LOC128462377: variants seen among roughly 807,000 people sequenced by gnomAD.
chr16:89,379,434 C>G, the LOC128462377 span, among the ~76,000 whole-genome samples: 1 of 152,240 alleles, frequency 6.6e-6, no homozygotes, highest in Non-Finnish European at 1.5e-5. Flanking sequence ...CTGCTCCACA[C>G]CCTGTCAGGG....
chr16:89,320,599 G>A, the LOC128462377 span, among the ~76,000 whole-genome samples: 1 of 152,166 alleles, frequency 6.6e-6, no homozygotes, highest in Non-Finnish European at 1.5e-5. Context: ...TGGACTGTCA[G>A]GGTCACCGAG....
chr16:89,401,352 C>T, the LOC128462377 span, among the ~76,000 whole-genome samples: 17 of 152,244 alleles, frequency 1.1e-4, no homozygotes, highest in Non-Finnish European at 2.5e-4. Context: ...GCTGGGATTA[C>T]AGCACGAGCC....
chr16:89,343,090 G>A, the LOC128462377 span, among the ~76,000 whole-genome samples: 3 of 152,100 alleles, frequency 2.0e-5, no homozygotes, highest in South Asian at 2.1e-4. Flanking sequence ...GTGCGATCTC[G>A]GCTCACTGCA....
At chr16:89,338,790 A>T in the LOC128462377 span, among the ~76,000 whole-genome samples, 1 of 151,924 alleles carries the variant, frequency 6.6e-6, no homozygotes, top group East Asian at 1.9e-4. Flanking sequence ...AGAAAAAATA[A>T]TCTCTGCTCT....
the LOC128462377 span, among the ~76,000 whole-genome samples, chr16:89,405,853 A>G: frequency 6.6e-6 from 1 of 152,146 alleles, no homozygotes; most frequent in Non-Finnish European, 1.5e-5. Context: ...TCCAGCAAGA[A>G]TAATCCCAGC....
chr16:89,411,829 A>C, the LOC128462377 span, among the ~76,000 whole-genome samples: 5 of 152,362 alleles, frequency 3.3e-5, no homozygotes, highest in Middle Eastern at 0.017. Flanking sequence ...TAGAATTCTC[A>C]GCAGAACTTG....
At chr16:89,350,613 C>T in the LOC128462377 span, among the ~76,000 whole-genome samples, 1 of 152,168 alleles carries the variant, frequency 6.6e-6, no homozygotes, top group Non-Finnish European at 1.5e-5. Context: ...TGACCGAAAG[C>T]ACATCAGCAT....
At chr16:89,340,157 A>T in the LOC128462377 span, among the ~76,000 whole-genome samples, 2 of 152,254 alleles carry the variant, frequency 1.3e-5, no homozygotes, top group Admixed American at 6.5e-5. Context: ...TAGAAATGGA[A>T]TTTCTAGCAA....
the LOC128462377 span, among the ~76,000 whole-genome samples, chr16:89,378,473 A>C: frequency 6.6e-6 from 1 of 152,184 alleles, no homozygotes; most frequent in Non-Finnish European, 1.5e-5. Context: ...TTGAAGCCTA[A>C]CCACAAAAAC....
At chr16:89,373,880 C>T in the LOC128462377 span, among the ~76,000 whole-genome samples, 1 of 152,344 alleles carries the variant, frequency 6.6e-6, no homozygotes, top group East Asian at 1.9e-4. Flanking sequence ...GCACTTGACA[C>T]AGAGGTGGGG....
the LOC128462377 span, among the ~76,000 whole-genome samples, chr16:89,390,804 C>T: frequency 6.6e-6 from 1 of 152,186 alleles, no homozygotes; most frequent in African/African-American, 2.4e-5. Flanking sequence ...GAGGAGGTTC[C>T]TGGAGCTCTG....
chr16:89,344,330 G>C, the LOC128462377 span, among the ~76,000 whole-genome samples: 3 of 152,166 alleles, frequency 2.0e-5, no homozygotes, highest in South Asian at 6.2e-4. Context: ...CAAACAAAGA[G>C]ACAGGAGCTG....
the LOC128462377 span, among the ~76,000 whole-genome samples, chr16:89,409,144 G>C: frequency 6.6e-6 from 1 of 152,216 alleles, no homozygotes; most frequent in Non-Finnish European, 1.5e-5. Context: ...TCAAAGAGCA[G>C]AAAACAGATT....
At chr16:89,319,050 G>A in the LOC128462377 span, among the ~76,000 whole-genome samples, 1 of 152,234 alleles carries the variant, frequency 6.6e-6, no homozygotes, top group African/African-American at 2.4e-5. Context: ...CAGTGGTAAT[G>A]TTTACAAGTT....
the LOC128462377 span, among the ~76,000 whole-genome samples, chr16:89,389,968 G>A: frequency 2.6e-3 from 109 of 42,630 alleles, no homozygotes; most frequent in Admixed American, 2.8e-3. Context: ...TCACTGGGGC[G>A]AACACCGAGT....
chr16:89,327,237 G>A, the LOC128462377 span, among the ~76,000 whole-genome samples: 1 of 152,088 alleles, frequency 6.6e-6, no homozygotes, highest in African/African-American at 2.4e-5. Flanking sequence ...AATCACAACT[G>A]GTACAGAAAA....
the LOC128462377 span, among the ~76,000 whole-genome samples, chr16:89,415,846 A>AAAAAAAAAAAAAAT: frequency 6.8e-6 from 1 of 146,378 alleles, no homozygotes; most frequent in African/African-American, 2.5e-5. Context: ...AAAAAAAAAA[A>AAAAAAAAAAAAAAT]AAAACAATGG....
chr16:89,365,713 C>T, the LOC128462377 span, among the ~76,000 whole-genome samples: 3 of 152,110 alleles, frequency 2.0e-5, no homozygotes, highest in Non-Finnish European at 2.9e-5. Flanking sequence ...AGAAACCCAA[C>T]GTTTTTTTTA....
chr16:89,328,207 G>C, the LOC128462377 span, among the ~76,000 whole-genome samples: 1 of 152,176 alleles, frequency 6.6e-6, no homozygotes, highest in African/African-American at 2.4e-5. Context: ...AAGGATGCTG[G>C]AGAGGATGTA....
Sources: allele counts gnomAD v4.1 joint callset (sites outside exome capture counted in the v4.1 genomes callset), GRCh38; gene constraint gnomAD v4.1.1; transcripts MANE v1.5.